ZNF793: variants seen among roughly 807,000 people sequenced by gnomAD.
The protein encoded by ZNF793 is zinc finger protein 793.
In ZNF793, 5 loss-of-function variants were observed where a neutral mutation model predicts 12.4. The observed-to-expected ratio is 0.40, with a 90% CI of 0.21 to 0.84. The LOEUF (loss-of-function observed/expected upper bound fraction) is 0.84. Among genes scored for constraint, ZNF793 ranks in the 40% least tolerant of loss-of-function variants. ZNF793 has a pLI of 0.35. For synonymous variants in ZNF793, 162 were observed against 172.4 expected (o/e 0.94, Z 0.47); for missense variants, 456 against 495.0 (o/e 0.92, Z 0.75).
At chr19:37,516,025 T>C (rs2042329237) in intron 2 of ZNF793, among the ~76,000 whole-genome samples, 1 of 150,822 alleles carries the variant, frequency 6.6e-6, no homozygotes, top group Admixed American at 6.9e-5. Flanking sequence ...ACATACAGCT[T>C]CAGGAGATAG....
At chr19:37,514,074 A>G (rs1318234416) in intron 2 of ZNF793, among the ~76,000 whole-genome samples, 1 of 152,252 alleles carries the variant, frequency 6.6e-6, no homozygotes, top group Admixed American at 6.5e-5. Flanking sequence ...AAATGAACAG[A>G]TATACAAATT....
chr19:37,528,061 G>A (rs557656400), intron 5 of ZNF793, among the ~76,000 whole-genome samples: 43 of 152,042 alleles, frequency 2.8e-4, no homozygotes, highest in Non-Finnish European at 5.1e-4. Context: ...CCCAGGAGAC[G>A]GAGGTTGCAG....
chr19:37,522,694 C>T (rs1487432032), intron 4 of ZNF793, 47 bp downstream of exon 4: 1 of 152,148 alleles, frequency 6.6e-6, no homozygotes, highest in African/African-American at 2.4e-5. Flanking sequence ...TGTCTGATGT[C>T]TCCTCATTGA....
At chr19:37,524,737 G>C (rs2042400471) in intron 5 of ZNF793, among the ~76,000 whole-genome samples, 1 of 152,182 alleles carries the variant, frequency 6.6e-6, no homozygotes, top group Non-Finnish European at 1.5e-5. Context: ...AATATGGAAC[G>C]GCAGGCTCCG....
At chr19:37,517,997 T>A (rs2031008127) in intron 2 of ZNF793, among the ~76,000 whole-genome samples, 1 of 152,238 alleles carries the variant, frequency 6.6e-6, no homozygotes, top group Non-Finnish European at 1.5e-5. Flanking sequence ...AATATTTTCA[T>A]AGATTCGGAC....
At chr19:37,528,294 C>T (rs971618227) in intron 5 of ZNF793, among the ~76,000 whole-genome samples, 1 of 152,106 alleles carries the variant, frequency 6.6e-6, no homozygotes, top group Non-Finnish European at 1.5e-5. Flanking sequence ...CGGAGCCTTG[C>T]CAACCAGGAA....
chr19:37,534,394 C>G (rs2042486807), intron 7 of ZNF793: 1 of 152,124 alleles, frequency 6.6e-6, no homozygotes, highest in African/African-American at 2.4e-5. Flanking sequence ...TTTAACCAGT[C>G]TGTGGATTAC....
At chr19:37,511,009 A>T (rs1031305838) in intron 2 of ZNF793, among the ~76,000 whole-genome samples, 2 of 151,916 alleles carry the variant, frequency 1.3e-5, no homozygotes, top group Non-Finnish European at 2.9e-5. Context: ...AAAATTCTTT[A>T]AAAAAATTGA....
intron 5 of ZNF793, among the ~76,000 whole-genome samples, chr19:37,526,258 G>A (rs1449461632): frequency 2.6e-5 from 4 of 152,124 alleles, no homozygotes; most frequent in Admixed American, 1.3e-4. Context: ...GACTATAGGC[G>A]CATGCCACTA....
At chr19:37,522,000 A>G (rs2042379765) in intron 3 of ZNF793, among the ~76,000 whole-genome samples, 1 of 152,152 alleles carries the variant, frequency 6.6e-6, no homozygotes, top group Non-Finnish European at 1.5e-5. Flanking sequence ...ACTTCAGGGT[A>G]TATTTTCTAA....
intron 7 of ZNF793, 94 bp from the exon 8 acceptor site, chr19:37,536,803 T>A (rs551025455): frequency 2.2e-4 from 297 of 1,371,338 alleles, no homozygotes; most frequent in Non-Finnish European, 2.6e-4. Context: ...ATGGTTCATG[T>A]TCTCTATTTG....
chr19:37,514,136 C>G (rs1248713455), intron 2 of ZNF793, among the ~76,000 whole-genome samples: 2 of 152,110 alleles, frequency 1.3e-5, no homozygotes, highest in Admixed American at 6.6e-5. Flanking sequence ...TTTTGTAACA[C>G]TTTCATAGAT....
Position 37,537,009 on chromosome 19 carries a change from T to G in ZNF793, c.351T>G (p.Asn117Lys), listed in dbSNP as rs754564732. 17 of 1,613,820 alleles carry G rather than the reference T, an allele frequency of 1.1e-5. No homozygotes were observed. In the African/African-American group the frequency reaches 1.6e-4, roughly 15 times the overall value. Residue 117 changes from asparagine to lysine, a missense_variant, in exon 8 of 8, where the codon AAT (asparagine) becomes AAG (lysine). Coordinates refer to ENST00000627814, the MANE Select transcript of ZNF793 (RefSeq NM_001013659.3). Reference sequence around the variant, plus strand: ...CCAAGGAGAAAAGCTGTGAATATAATAAGTTTGGGAAAATATCACTTCTGA... The same window carrying G: ...CCAAGGAGAAAAGCTGTGAATATAAGAAGTTTGGGAAAATATCACTTCTGA... ...TLPKEKSCEY[N>K]KFGKISLLST...
chr19:37,540,938 C>T lies in ZNF793; in HGVS notation c.*3059C>T, dbSNP rs1442179299. 6.6e-6 allele frequency: 1 copy of T among 151,122 alleles called. No homozygotes were observed. 9.4% of individuals were successfully genotyped at this position (151,122 alleles called of 1,614,324 possible). ...CATGTATAAAAACATCACATGTACC[C>T]AATAAATATATACAACAATTATATA... On this transcript the variant is annotated 3_prime_UTR_variant, in exon 8 of 8. Transcript: ENST00000627814.
chr19:37,516,689 CA>C (rs1198842845), intron 2 of ZNF793, among the ~76,000 whole-genome samples: 2 of 151,984 alleles, frequency 1.3e-5, no homozygotes, highest in Non-Finnish European at 2.9e-5. Context: ...CTCTGTCACC[CA>C]CACTGGAGTA....
At position 37,537,638 on chromosome 19, in the gene ZNF793, A is replaced by G. The variant is rs373734998; in HGVS notation, c.980A>G (p.Asn327Ser). 41 of 1,613,964 alleles carry G rather than the reference A, an allele frequency of 2.5e-5. No homozygotes were observed. The highest frequency in any genetic ancestry group is 3.4e-5 in the Non-Finnish European group (40 of 1,180,002). ...TCGTTTGGTGAGAAGTCATACCTCA[A>G]TGTACATCGAAAAATGCACACAGGA... ...GKSFGEKSYL[N>S]VHRKMHTGER... The change falls in exon 8 of 8, where the codon AAT becomes AGT. Residue 327 changes from asparagine to serine, a missense_variant. Coordinates refer to ENST00000627814, the MANE Select transcript of ZNF793 (RefSeq NM_001013659.3).
chr19:37,513,322 G>T (rs530871532), intron 2 of ZNF793, among the ~76,000 whole-genome samples: 3 of 152,296 alleles, frequency 2.0e-5, no homozygotes, highest in East Asian at 3.9e-4. Context: ...TTACCAAATG[G>T]TGATTTTCCA....
chr19:37,521,097 C>T (rs1046330238), intron 3 of ZNF793, among the ~76,000 whole-genome samples: 2 of 151,290 alleles, frequency 1.3e-5, no homozygotes, highest in African/African-American at 4.9e-5. Context: ...ACGCCATTCT[C>T]CTGCCTCAGC....
rs183843667 is a variant in ZNF793 at position 37,538,106 on chromosome 19, G to T, written c.*227G>T. On this transcript the variant is annotated 3_prime_UTR_variant, in exon 8 of 8. Coordinates refer to ENST00000627814, the MANE Select transcript of ZNF793 (RefSeq NM_001013659.3). ...TTTTTTTTGTATTTTTAGTAGAGAC[G>T]GGGTTTCACCGTGTTAGCCAGGATG... The T allele has an allele frequency of 4.9e-3, 2,175 of 440,140 alleles. 51 individuals carry two copies. The highest frequency in any genetic ancestry group is 0.039 in the Admixed American group (979 of 25,238). The allele number at this position is 440,140 out of a possible 1,614,324, so 27.3% of individuals were successfully genotyped here. A position where few individuals can be genotyped will look rare whatever the true frequency, so the allele number is the denominator to read the frequency against.
Sources: allele counts gnomAD v4.1 joint callset (sites outside exome capture counted in the v4.1 genomes callset), GRCh38; gene constraint gnomAD v4.1.1; transcripts MANE v1.5; gene names NCBI Gene and HGNC (gene_info 2026-07-23, HGNC 2026-07-21).